CDH13: variants seen among roughly 807,000 people sequenced by gnomAD.
CDH13 encodes cadherin 13, also known as cadherin-13.
CDH13 carries 24 observed loss-of-function variants against 63.8 expected under a neutral mutation model. The observed-to-expected ratio is 0.38, with a 90% confidence interval of 0.27 to 0.53. CDH13 has a LOEUF of 0.53. CDH13 is among the 20% of genes least tolerant of loss of function. The probability of loss-of-function intolerance (pLI) is 0.85; values close to 1 mark genes in which losing one functional copy is unlikely to be tolerated. For synonymous variants in CDH13, 503 were observed against 355.3 expected, an observed-to-expected ratio of 1.42 and a Z score of -4.67; for missense variants, 1,049 against 903.1, an observed-to-expected ratio of 1.16 and a Z score of -2.07.
At chr16:83,228,071 G>A (rs745539742) in intron 5 of CDH13, among the ~76,000 whole-genome samples, 4 of 152,204 alleles carry the variant, frequency 2.6e-5, no homozygotes, top group Admixed American at 2.0e-4. Flanking sequence ...GGGAGGGGCC[G>A]TGAGAAGGGA....
At chr16:82,821,790 A>G (rs1382316605) in intron 1 of CDH13, among the ~76,000 whole-genome samples, 2 of 152,294 alleles carry the variant, frequency 1.3e-5, no homozygotes, top group African/African-American at 4.8e-5. Context: ...ACCTCAAATG[A>G]AGTGTAGGAT....
chr16:82,827,160 A>T (rs568814611), intron 1 of CDH13, among the ~76,000 whole-genome samples: 1 of 152,200 alleles, frequency 6.6e-6, no homozygotes, highest in African/African-American at 2.4e-5. Context: ...TACTGTTAAT[A>T]TAGTAAAATG....
chr16:82,637,342 A>G (rs747697479), intron 1 of CDH13, among the ~76,000 whole-genome samples: 8 of 150,636 alleles, frequency 5.3e-5, no homozygotes, highest in Non-Finnish European at 7.4e-5. Context: ...TCCTTTTCTC[A>G]ACAAAGATAT....
chr16:82,900,609 C>A (rs1413627446), intron 2 of CDH13, among the ~76,000 whole-genome samples: 1 of 152,090 alleles, frequency 6.6e-6, no homozygotes, highest in Non-Finnish European at 1.5e-5. Context: ...GTGAAGTAAC[C>A]AGCAGAGAGG....
intron 2 of CDH13, among the ~76,000 whole-genome samples, chr16:82,903,445 C>T (rs2041535920): frequency 6.6e-6 from 1 of 152,216 alleles, no homozygotes; most frequent in South Asian, 2.1e-4. Flanking sequence ...AGCCCTAGCT[C>T]ATGGTCTCCA....
chr16:83,488,970 C>T (rs960057617), intron 7 of CDH13, among the ~76,000 whole-genome samples: 1 of 152,064 alleles, frequency 6.6e-6, no homozygotes, highest in African/African-American at 2.4e-5. Context: ...CTTTTGGAGG[C>T]CAGTGATGAC....
At chr16:83,274,083 T>A (rs58525516) in intron 5 of CDH13, among the ~76,000 whole-genome samples, 8,525 of 152,246 alleles carry the variant, frequency 0.056, 325 homozygotes, top group East Asian at 0.14. Flanking sequence ...AAGCCAATCT[T>A]ACACCCTCTC....
At chr16:83,361,220 TTGTTTG>T (rs1180111639) in intron 6 of CDH13, among the ~76,000 whole-genome samples, 2 of 152,162 alleles carry the variant, frequency 1.3e-5, no homozygotes, top group African/African-American at 4.8e-5. Context: ...TTTTGGATAC[TTGTTTG>T]TCTTCTTCTG....
chr16:83,335,631 G>T (rs1284362317), intron 5 of CDH13, among the ~76,000 whole-genome samples: 1 of 152,116 alleles, frequency 6.6e-6, no homozygotes, highest in Non-Finnish European at 1.5e-5. Context: ...AGACGGCCCA[G>T]CGCCACACCC....
chr16:82,866,919 G>C (rs1331558428), intron 2 of CDH13, among the ~76,000 whole-genome samples: 1 of 152,188 alleles, frequency 6.6e-6, no homozygotes, highest in Non-Finnish European at 1.5e-5. Flanking sequence ...CTTGACATGT[G>C]GGGATTATGG....
intron 2 of CDH13, among the ~76,000 whole-genome samples, chr16:83,000,741 G>A (rs544934024): frequency 2.0e-4 from 31 of 151,744 alleles, no homozygotes; most frequent in African/African-American, 6.0e-4. Context: ...CACCATGCCC[G>A]GCTAATTTTT....
chr16:83,224,143 T>C (rs532316617), intron 5 of CDH13, among the ~76,000 whole-genome samples: 115 of 152,340 alleles, frequency 7.5e-4, no homozygotes, highest in African/African-American at 2.6e-3. Context: ...TTCAATCCCA[T>C]CCAGGTTGTT....
chr16:82,791,955 T>C (rs1453749834), intron 1 of CDH13, among the ~76,000 whole-genome samples: 1 of 152,140 alleles, frequency 6.6e-6, no homozygotes, highest in Admixed American at 6.5e-5. Context: ...TTGGGAGCTC[T>C]AAGAACAAAG....
chr16:83,171,795 A>G (rs2151729838), intron 4 of CDH13, among the ~76,000 whole-genome samples: 1 of 152,236 alleles, frequency 6.6e-6, no homozygotes, highest in East Asian at 1.9e-4. Context: ...GTTTCCTGAC[A>G]TCTTTCTTGC....
At chr16:82,917,424 T>C (rs958929193) in intron 2 of CDH13, among the ~76,000 whole-genome samples, 1 of 152,082 alleles carries the variant, frequency 6.6e-6, no homozygotes, top group Non-Finnish European at 1.5e-5. Context: ...GAAAGAAAGA[T>C]TCTTCACAGG....
chr16:82,801,747 A>G (rs1388505928), intron 1 of CDH13, among the ~76,000 whole-genome samples: 1 of 152,228 alleles, frequency 6.6e-6, no homozygotes, highest in Non-Finnish European at 1.5e-5. Flanking sequence ...ACTTTTACCC[A>G]GAGCCTTGTA....
intron 3 of CDH13, among the ~76,000 whole-genome samples, chr16:83,121,546 A>G (rs1441158446): frequency 6.6e-6 from 1 of 152,242 alleles, no homozygotes; most frequent in African/African-American, 2.4e-5. Context: ...CATTGGAGTG[A>G]TGATGATAGT....
At chr16:82,713,725 A>G (rs1172479921) in intron 1 of CDH13, among the ~76,000 whole-genome samples, 1 of 150,180 alleles carries the variant, frequency 6.7e-6, no homozygotes, top group African/African-American at 2.4e-5. Flanking sequence ...TAGGTGGCCT[A>G]GTGCATGTTT....
chr16:82,681,027 A>T (rs375100822), intron 1 of CDH13, among the ~76,000 whole-genome samples: 19 of 152,352 alleles, frequency 1.2e-4, no homozygotes, highest in African/African-American at 4.6e-4. Flanking sequence ...TCAGAGCACA[A>T]ATGAGGATGC....
Sources: gnomAD v4.1 joint callset for allele counts (sites outside exome capture counted in the v4.1 genomes callset) on GRCh38, gnomAD v4.1.1 for gene constraint, MANE v1.5 for transcripts, NCBI Gene and HGNC (gene_info 2026-07-23, HGNC 2026-07-21) for gene names.